The following PTN variants were observed in gnomAD, a reference collection of about 807,000 sequenced individuals.
The protein encoded by PTN is heparin affin regulatory protein.
Under a neutral mutation model 24.1 loss-of-function variants are expected in PTN, and 18 were observed. That is an observed-to-expected ratio of 0.75 (90% confidence interval 0.52 to 1.11). The LOEUF is 1.11. PTN is among the 50% of genes least tolerant of loss of function. The pLI, the probability that PTN is intolerant of heterozygous loss-of-function variation, is 0.00. For missense variants in PTN, 163 were observed against 198.8 expected (o/e 0.82, Z 1.08); for synonymous variants, 78 against 68.6 (o/e 1.14, Z -0.67).
intron 2 of PTN, 79 bp downstream of exon 2, chr7:137,254,780 A>C (rs1192688459): frequency 1.1e-6 from 1 of 914,540 alleles, no homozygotes; most frequent in African/African-American, 1.6e-5. Context: ...AGAGTAGAAG[A>C]GAGGAAGGAA....
intron 4 of PTN, among the ~76,000 whole-genome samples, chr7:137,232,208 G>T (rs909444466): frequency 2.0e-5 from 3 of 152,090 alleles, no homozygotes; most frequent in African/African-American, 7.2e-5. Context: ...GATATAAACA[G>T]AGAATGAGCC....
intron 1 of PTN, among the ~76,000 whole-genome samples, chr7:137,338,864 A>C (rs1026211535): frequency 1.9e-4 from 29 of 152,184 alleles, no homozygotes; most frequent in Non-Finnish European, 7.3e-5. Flanking sequence ...TCCAGAGCTC[A>C]TTAGAGAGAA....
At chr7:137,265,062 T>G (rs1383738518) in intron 1 of PTN, among the ~76,000 whole-genome samples, 1 of 152,054 alleles carries the variant, frequency 6.6e-6, no homozygotes, top group African/African-American at 2.4e-5. Context: ...AGTTTTTCTT[T>G]TAACTCATGA....
chr7:137,324,433 A>AAAAAAAAAAAAATATATATATAT, intron 1 of PTN, among the ~76,000 whole-genome samples: 4 of 88,762 alleles, frequency 4.5e-5, no homozygotes, highest in African/African-American at 2.1e-4. Flanking sequence ...AAAAAAAAAA[A>AAAAAAAAAAAAATATATATATAT]ATATATATAT....
chr7:137,327,901 A>C (rs1190046860), intron 1 of PTN, among the ~76,000 whole-genome samples: 1 of 152,214 alleles, frequency 6.6e-6, no homozygotes. Context: ...CAACTGAAGC[A>C]GCCCTCTAAG....
chr7:137,267,486 C>T (rs1210268757), intron 1 of PTN, among the ~76,000 whole-genome samples: 1 of 152,138 alleles, frequency 6.6e-6, no homozygotes, highest in Non-Finnish European at 1.5e-5. Flanking sequence ...TTGTGCCATA[C>T]CTCTGAAACA....
intron 4 of PTN, among the ~76,000 whole-genome samples, chr7:137,234,883 G>A (rs545276618): frequency 2.0e-5 from 3 of 152,024 alleles, no homozygotes; most frequent in Non-Finnish European, 2.9e-5. Flanking sequence ...GGCCCTGTTC[G>A]CTGCTGACTT....
At chr7:137,321,030 T>C (rs1397955114) in intron 1 of PTN, among the ~76,000 whole-genome samples, 1 of 152,210 alleles carries the variant, frequency 6.6e-6, no homozygotes, top group African/African-American at 2.4e-5. Context: ...ATGTACTTTG[T>C]GTCCACAGGT....
At chr7:137,254,779 G>A (rs1432404065) in intron 2 of PTN, 80 bp downstream of exon 2, 1 of 908,686 alleles carries the variant, frequency 1.1e-6, no homozygotes, top group African/African-American at 1.6e-5. Context: ...CAGAGTAGAA[G>A]AGAGGAAGGA....
chr7:137,283,578 A>G (rs1305146657), intron 1 of PTN, among the ~76,000 whole-genome samples: 1 of 152,178 alleles, frequency 6.6e-6, no homozygotes, highest in Non-Finnish European at 1.5e-5. Flanking sequence ...AAACTAGAAC[A>G]TTACATGAGG....
intron 1 of PTN, among the ~76,000 whole-genome samples, chr7:137,321,095 A>G (rs1810154984): frequency 6.6e-6 from 1 of 152,202 alleles, no homozygotes; most frequent in Admixed American, 6.5e-5. Context: ...CCCAACAGCT[A>G]TTAGGGCTCC....
intron 1 of PTN, among the ~76,000 whole-genome samples, chr7:137,270,701 G>A (rs943820430): frequency 6.6e-6 from 1 of 152,118 alleles, no homozygotes; most frequent in African/African-American, 2.4e-5. Context: ...ACCACACAAT[G>A]CTTATATTTA....
intron 1 of PTN, among the ~76,000 whole-genome samples, chr7:137,274,314 C>A (rs1367129996): frequency 6.6e-6 from 1 of 152,120 alleles, no homozygotes; most frequent in Non-Finnish European, 1.5e-5. Context: ...ACTGGTCTAC[C>A]CAATACCAAG....
chr7:137,320,989 T>C (rs1461730160), intron 1 of PTN, among the ~76,000 whole-genome samples: 2 of 152,208 alleles, frequency 1.3e-5, no homozygotes, highest in African/African-American at 2.4e-5. Flanking sequence ...TGAGGTCAAC[T>C]GTGCTGTGGC....
chr7:137,288,781 G>A (rs941380808), intron 1 of PTN, among the ~76,000 whole-genome samples: 13 of 152,074 alleles, frequency 8.5e-5, no homozygotes, highest in African/African-American at 2.7e-4. Flanking sequence ...TATACATAAC[G>A]TATTCATTAA....
In PTN at chr7:137,237,064, C is replaced by T. The variant is rs912287591; in HGVS notation, c.452-8989G>A. 2.0e-5 allele frequency among the ~76,000 whole-genome samples: 3 copies of T among 152,110 alleles called. No homozygotes were observed. In the East Asian group the frequency reaches 5.8e-4, roughly 29 times the overall value. ...AGTTAAATAGAATCAGTTATTATGG[C>T]CTGACTTGCATCCCTCCTGAAAATT... On this transcript the variant is annotated intron_variant, in intron 4 of 4. Coordinates refer to ENST00000348225, the MANE Select transcript of PTN (RefSeq NM_002825.7).
chr7:137,333,390 C>A (rs1446418221), intron 1 of PTN, among the ~76,000 whole-genome samples: 1 of 152,178 alleles, frequency 6.6e-6, no homozygotes, highest in Non-Finnish European at 1.5e-5. Flanking sequence ...TTTGTTCTAG[C>A]CTGAGTGAAG....
chr7:137,278,990 G>T (rs1325237169), intron 1 of PTN, among the ~76,000 whole-genome samples: 1 of 121,660 alleles, frequency 8.2e-6, no homozygotes, highest in Non-Finnish European at 1.7e-5. Context: ...ATAAAATAAA[G>T]AAACGGACCA....
chr7:137,260,017 C>T (rs1014133229), intron 1 of PTN, among the ~76,000 whole-genome samples: 2 of 152,054 alleles, frequency 1.3e-5, no homozygotes, highest in African/African-American at 4.8e-5. Flanking sequence ...AGCTACTACT[C>T]ATTACACTTT....
Sources: gnomAD v4.1 joint callset for allele counts (sites outside exome capture counted in the v4.1 genomes callset) on GRCh38, gnomAD v4.1.1 for gene constraint, MANE v1.5 for transcripts, NCBI Gene and HGNC (gene_info 2026-07-23, HGNC 2026-07-21) for gene names.